Variants in SPDYA observed in about 807,000 individuals in gnomAD.
SPDYA encodes the protein speedy protein A.
A neutral mutation model predicts 36.7 loss-of-function variants in SPDYA; 11 were observed. That is an observed-to-expected ratio of 0.30 (90% CI 0.19 to 0.50). The LOEUF (loss-of-function observed/expected upper bound fraction) is 0.50. SPDYA is among the 20% of genes least tolerant of loss of function. The probability of loss-of-function intolerance (pLI) is 0.98; values close to 1 mark genes in which losing one functional copy is unlikely to be tolerated. For missense variants in SPDYA, 287 were observed against 370.9 expected (o/e 0.77, Z 1.86); for synonymous variants, 115 against 118.7 (o/e 0.97, Z 0.20).
At chr2:28,814,433 T>C (rs899098015) in intron 1 of SPDYA, among the ~76,000 whole-genome samples, 180 bp from the exon 2 acceptor site, 2 of 152,226 alleles carry the variant, frequency 1.3e-5, no homozygotes, top group Non-Finnish European at 2.9e-5. Flanking sequence ...CTGATTTTTA[T>C]ATTGATTACA....
chr2:28,847,652 C>G (rs571613920), intron 7 of SPDYA, among the ~76,000 whole-genome samples: 1 of 144,880 alleles, frequency 6.9e-6, no homozygotes, highest in Non-Finnish European at 1.5e-5. Context: ...AGGCTGAGAC[C>G]GGGGAATTGC....
intron 5 of SPDYA, among the ~76,000 whole-genome samples, chr2:28,825,405 G>A (rs1346285772): frequency 6.6e-6 from 1 of 152,082 alleles, no homozygotes; most frequent in Non-Finnish European, 1.5e-5. Context: ...ACTGCATGTT[G>A]TATTATGTAA....
chr2:28,840,567 C>A, intron 7 of SPDYA, 98 bp downstream of exon 7: 4 of 1,479,028 alleles, frequency 2.7e-6, no homozygotes, highest in Non-Finnish European at 3.6e-6. Flanking sequence ...TTTATATACT[C>A]CAACAATATG....
Position 28,819,778 on chromosome 2 carries a change from G to A in SPDYA, c.294+672G>A, listed in dbSNP as rs1334823538. ...GCGAGAGGATCACTTAAGCCCAGGA[G>A]TTCCAAGACCAGCCTTGGCAACATA... On this transcript the variant is annotated intron_variant, in intron 4 of 7. Transcript: ENST00000334056. Among the ~76,000 whole-genome samples, 3 of 132,188 alleles carry A rather than the reference G, an allele frequency of 2.3e-5. No homozygotes were observed. The East Asian group carries it at 6.8e-4, about 30-fold the overall frequency. 86.7% of individuals were successfully genotyped at this position (132,188 alleles called of 152,430 possible). A position where few individuals can be genotyped will look rare whatever the true frequency, so the allele number is the denominator to read the frequency against.
rs61540635 is a variant in SPDYA at position 28,824,492 on chromosome 2, C to CA, written c.380+2094dup. 6.5e-3 allele frequency among the ~76,000 whole-genome samples: 715 copies of CA among 110,042 alleles called. 6 individuals carry two copies. The highest frequency in any genetic ancestry group is 1.0e-2 in the South Asian group (33 of 3,310). The allele number at this position is 110,042 out of a possible 152,430, so 72.2% of individuals were successfully genotyped here. A position where few individuals can be genotyped will look rare whatever the true frequency, so the allele number is the denominator to read the frequency against. On this transcript the variant is annotated intron_variant, in intron 5 of 7. Coordinates refer to ENST00000334056, the MANE Select transcript of SPDYA (RefSeq NM_182756.4). The stretch of plus-strand genomic sequence containing the variant: ...TGCTGTCAGGAGAAAAAAAAAAAAA[C>CA]AAAAAAAAAAAACAGGACTAGAAGA...
rs769894123 is a variant in SPDYA, at chr2:28,819,098, G to T, written c.286G>T (p.Ala96Ser). 45 of 1,610,818 alleles carry T rather than the reference G, an allele frequency of 2.8e-5. No individual in the cohort carries two copies. Among genetic ancestry groups the T allele is most frequent in the Non-Finnish European group, 3.8e-5 (45 of 1,178,300 alleles). The change falls in exon 4 of 8, where the codon GCA (alanine) becomes TCA (serine). Residue 96 changes from alanine to serine, a missense_variant. Coordinates refer to ENST00000334056, the MANE Select transcript of SPDYA (RefSeq NM_182756.4). ...GTGGATGGACTGCTGCTGTAAAATT[G>T]CAGACAAGGTAAATTTGGTAACAGT... Reference protein sequence around the residue: ...FLWMDCCCKIADKYLLAMTFV... With the variant: ...FLWMDCCCKISDKYLLAMTFV...
chr2:28,838,084 C>G (rs1304208177), intron 6 of SPDYA, among the ~76,000 whole-genome samples: 2 of 151,852 alleles, frequency 1.3e-5, no homozygotes, highest in Non-Finnish European at 2.9e-5. Flanking sequence ...AGAATCACAG[C>G]ATTGGGGGAC....
intron 5 of SPDYA, among the ~76,000 whole-genome samples, chr2:28,823,689 T>C (rs1171535985): frequency 4.7e-5 from 5 of 107,238 alleles, no homozygotes; most frequent in African/African-American, 1.4e-4. Flanking sequence ...AATGCTGTAG[T>C]TGGGAATGCA....
chr2:28,820,725 G>A lies in SPDYA; in HGVS notation c.295-1600G>A, dbSNP rs565885080. ...AAGCAGTCATATTTGAAAATTAAGC[G>A]TGACTTTACATCACTACTAGCCAAC... On this transcript the variant is annotated intron_variant, in intron 4 of 7. Transcript: ENST00000334056. 8.5e-5 allele frequency among the ~76,000 whole-genome samples: 13 copies of A among 152,212 alleles called. No homozygotes were observed. In the South Asian group the frequency reaches 1.2e-3, roughly 15 times the overall value.
rs58731880 is a variant in SPDYA at position 28,846,722 on chromosome 2, T to TACACACACACACAC, written c.851-3090_851-3077dup. On this transcript the variant is annotated intron_variant, in intron 7 of 7. Transcript: ENST00000334056. ...AAAAAGAAGAGAAATAGAAGAAAAC[T>TACACACACACACAC]ACACACACACACACACACACACACA... 1.1e-3 allele frequency among the ~76,000 whole-genome samples: 144 copies of TACACACACACACAC among 126,550 alleles called. 1 individual carries two copies. The highest frequency in any genetic ancestry group is 3.4e-3 in the African/African-American group (112 of 32,852). 83.0% of individuals were successfully genotyped at this position (126,550 alleles called of 152,430 possible).
chr2:28,848,407 T>C (rs1231745582), intron 7 of SPDYA, among the ~76,000 whole-genome samples: 4 of 152,192 alleles, frequency 2.6e-5, no homozygotes, highest in Admixed American at 2.6e-4. Flanking sequence ...TCACTTTTTA[T>C]TCCCATTTTC....
At chr2:28,823,745 A>ATATGTAT (rs1491479223) in intron 5 of SPDYA, among the ~76,000 whole-genome samples, 3 of 42,858 alleles carry the variant, frequency 7.0e-5, no homozygotes, top group Admixed American at 2.6e-4. Context: ...ATATATATAT[A>ATATGTAT]AAATTTTTTT....
chr2:28,825,388 AG>A (rs899392304), intron 5 of SPDYA, among the ~76,000 whole-genome samples: 3 of 152,270 alleles, frequency 2.0e-5, no homozygotes, highest in African/African-American at 7.2e-5. Context: ...ATTATCTGTA[AG>A]GTTGTACTGC....
At chr2:28,834,436 A>G (rs944887479) in intron 6 of SPDYA, among the ~76,000 whole-genome samples, 12 of 152,252 alleles carry the variant, frequency 7.9e-5, no homozygotes, top group African/African-American at 2.9e-4. Context: ...TGTTCATAGC[A>G]GTATTCATAA....
chr2:28,816,402 C>CT (rs1347425071), intron 3 of SPDYA, among the ~76,000 whole-genome samples, 153 bp downstream of exon 3: 2 of 150,538 alleles, frequency 1.3e-5, no homozygotes, highest in African/African-American at 2.4e-5. Context: ...TTTACTTAGT[C>CT]TTTTTTTTTC....
At chr2:28,819,814 G>C (rs1668085898) in intron 4 of SPDYA, among the ~76,000 whole-genome samples, 1 of 88,494 alleles carries the variant, frequency 1.1e-5, no homozygotes, top group Non-Finnish European at 2.1e-5. Context: ...GGGAGACCTG[G>C]TCTCTTAAAA....
intron 6 of SPDYA, among the ~76,000 whole-genome samples, chr2:28,831,329 G>C (rs925450195): frequency 2.0e-5 from 3 of 152,138 alleles, no homozygotes; most frequent in African/African-American, 7.2e-5. Context: ...CTGCCCTCCA[G>C]CCTCAGCAAC....
Position 28,816,206 on chromosome 2 carries a change from G to A in SPDYA, c.192G>A (p.Leu64=). The change falls in exon 3 of 8, where the codon CTG becomes CTA. Residue 64 remains leucine (L), a synonymous_variant. Transcript: ENST00000334056. ...CTAAACGCCCCAAAGGACCTTGTCT[G>A]GTTATACAGCGTCAGGATATGACTG... ...NKSKRPKGPC[L]VIQRQDMTAF... is the part of the protein sequence containing the mutation. 1 of 1,613,502 alleles carries A rather than the reference G, an allele frequency of 6.2e-7. No homozygotes were observed. The highest frequency in any genetic ancestry group is 1.1e-5 in the South Asian group (1 of 90,964).
intron 7 of SPDYA, among the ~76,000 whole-genome samples, chr2:28,845,046 A>C (rs1402760702): frequency 6.6e-6 from 1 of 152,150 alleles, no homozygotes; most frequent in Non-Finnish European, 1.5e-5. Flanking sequence ...CTGTCTGCCA[A>C]AGTGCTGGGA....
Sources: allele counts gnomAD v4.1 joint callset (sites outside exome capture counted in the v4.1 genomes callset), GRCh38; gene constraint gnomAD v4.1.1; transcripts MANE v1.5; gene names NCBI Gene and HGNC (gene_info 2026-07-23, HGNC 2026-07-21).